The following ATPAF1 variants were observed in gnomAD, a reference collection of about 807,000 sequenced individuals.
ATPAF1 encodes homolog of yeast ATP11.
Under a neutral mutation model 43.9 loss-of-function variants are expected in ATPAF1, and 26 were observed. The observed-to-expected ratio is 0.59, with a 90% CI of 0.43 to 0.82. ATPAF1 has a LOEUF of 0.82. Ranked by LOEUF, ATPAF1 falls within the 40% of genes least tolerant of loss-of-function variation. ATPAF1 has a pLI of 0.00. For missense variants in ATPAF1, 366 were observed against 435.0 expected, an observed-to-expected ratio of 0.84 and a Z score of 1.41; for synonymous variants, 157 against 168.0, an observed-to-expected ratio of 0.93 and a Z score of 0.50.
At chr1:46,658,235 A>AC in intron 3 of ATPAF1, 46 bp from the exon 4 acceptor site, 2 of 1,431,776 alleles carry the variant, frequency 1.4e-6, no homozygotes, top group Non-Finnish European at 1.9e-6. Flanking sequence ...TTAAAAAAAA[A>AC]AAAAAACAGC....
In ATPAF1 at chr1:46,668,235, G is replaced by T; in HGVS notation, c.88C>A (p.Arg30Ser). ...AGCCCCAGGCCCAGGGCGCGGCTGCGCACCGCGCACAGGCCCCGGTAGAGA... is the reference window on the plus strand; with the variant it reads ...AGCCCCAGGCCCAGGGCGCGGCTGCTCACCGCGCACAGGCCCCGGTAGAGA... The change falls in exon 1 of 9, where the codon CGC becomes AGC. Residue 30 changes from arginine (R) to serine (S), a missense_variant. Around this residue, in one of 2 missense-constraint regions of ATPAF1, gnomAD observed 186 missense variants for 168.5 expected, o/e 1.10. Transcript: ENST00000574428. This position sits in a 1 kb window ranked among gnomAD's most constrained non-coding sequence, Gnocchi z 4.4. The T allele has an allele frequency of 1.5e-6, 2 of 1,370,152 alleles. No individual in the cohort carries two copies. Among genetic ancestry groups the T allele is most frequent in the Non-Finnish European group, 1.9e-6 (2 of 1,060,306 alleles). The allele number at this position is 1,370,152 out of a possible 1,614,324, so 84.9% of individuals were successfully genotyped here. A position where few individuals can be genotyped will look rare whatever the true frequency, so the allele number is the denominator to read the frequency against.
chr1:46,647,218 T>C lies in ATPAF1; in HGVS notation c.589-1962A>G, dbSNP rs185529962. On this transcript the variant is annotated intron_variant, in intron 6 of 8. Transcript: ENST00000574428. ...CACATTCCTTCCAGAGCATGTATAC[T>C]TTCCCCAAGATATAAGACATATTGG... Among the ~76,000 whole-genome samples the C allele has an allele frequency of 4.6e-5, 7 of 152,310 alleles. No homozygotes were observed. The South Asian group carries it at 1.0e-3, about 23-fold the overall frequency.
chr1:46,639,396 C>G (rs1005446683), intron 8 of ATPAF1, among the ~76,000 whole-genome samples: 9 of 152,194 alleles, frequency 5.9e-5, no homozygotes, highest in Non-Finnish European at 1.0e-4. Context: ...GGTGTCATCT[C>G]CAGGAAATAT....
intron 6 of ATPAF1, among the ~76,000 whole-genome samples, chr1:46,650,892 A>G (rs144977643): frequency 6.6e-6 from 1 of 152,228 alleles, no homozygotes; most frequent in African/African-American, 2.4e-5. Flanking sequence ...AAGTTTGGTT[A>G]AGGGATACAA....
intron 7 of ATPAF1, among the ~76,000 whole-genome samples, chr1:46,644,038 A>G (rs1387961763): frequency 6.6e-6 from 1 of 152,240 alleles, no homozygotes; most frequent in Admixed American, 6.5e-5. Context: ...TACTTGTAAT[A>G]GTTCAGCATC....
intron 8 of ATPAF1, 67 bp from the exon 9 acceptor site, chr1:46,636,037 G>A (rs1387051587): frequency 1.9e-6 from 3 of 1,568,218 alleles, no homozygotes; most frequent in Non-Finnish European, 2.6e-6. Flanking sequence ...TCTGAATTGT[G>A]TGGTGGGTGG....
At chr1:46,665,119 T>C in intron 2 of ATPAF1, 137 bp downstream of exon 2, 2 of 757,428 alleles carry the variant, frequency 2.6e-6, no homozygotes, top group Admixed American at 2.4e-5. Flanking sequence ...CATTTATGGA[T>C]GGAAATGGAG....
intron 7 of ATPAF1, 60 bp from the exon 8 acceptor site, chr1:46,643,361 C>A: frequency 7.4e-7 from 1 of 1,342,596 alleles, no homozygotes; most frequent in Non-Finnish European, 1.1e-6. Context: ...ACTGCAATTT[C>A]AAAGCAATAG....
intron 4 of ATPAF1, among the ~76,000 whole-genome samples, chr1:46,655,077 AG>A (rs1488710275): frequency 1.3e-5 from 2 of 152,114 alleles, no homozygotes; most frequent in African/African-American, 4.8e-5. Context: ...AATGAGCAAA[AG>A]GGGGAAAAGC....
At chr1:46,654,504 G>A (rs894349187) in intron 4 of ATPAF1, among the ~76,000 whole-genome samples, 1 of 145,652 alleles carries the variant, frequency 6.9e-6, no homozygotes, top group African/African-American at 2.7e-5. Flanking sequence ...AGATATACCT[G>A]AGACTGGGCA....
intron 6 of ATPAF1, among the ~76,000 whole-genome samples, chr1:46,650,120 C>A (rs771575345): frequency 6.6e-6 from 1 of 152,112 alleles, no homozygotes; most frequent in Non-Finnish European, 1.5e-5. Context: ...GGCCTTCTGG[C>A]AGCTCAGTAT....
chr1:46,633,876 T>A (rs1037897639), downstream of ATPAF1: 3 of 454,088 alleles, frequency 6.6e-6, no homozygotes, highest in Non-Finnish European at 8.8e-6. Context: ...AACAACCCCA[T>A]CTGATGTCAA....
chr1:46,665,853 T>A, intron 1 of ATPAF1: 1 of 1,423,966 alleles, frequency 7.0e-7, no homozygotes, highest in Non-Finnish European at 9.1e-7. Context: ...AGATTTAGCA[T>A]CTGAGTATCT....
chr1:46,658,576 C>T (rs569300810), intron 3 of ATPAF1, 111 bp downstream of exon 3: 2 of 768,006 alleles, frequency 2.6e-6, no homozygotes. Flanking sequence ...TGGAAAATCA[C>T]CTTACACAAA....
chr1:46,636,176 C>A (rs1169171167), intron 8 of ATPAF1: 2 of 652,436 alleles, frequency 3.1e-6, no homozygotes, highest in South Asian at 1.7e-5. Context: ...GTATTTATCA[C>A]ACTGTATTGT....
chr1:46,654,040 C>G (rs930139531), intron 4 of ATPAF1, among the ~76,000 whole-genome samples, 173 bp from the exon 5 acceptor site: 9 of 152,186 alleles, frequency 5.9e-5, no homozygotes, highest in Non-Finnish European at 1.0e-4. Flanking sequence ...TAATACAATC[C>G]ACTCTTCTAG....
At chr1:46,662,497 G>A (rs987049829) in intron 2 of ATPAF1, among the ~76,000 whole-genome samples, 19 of 149,672 alleles carry the variant, frequency 1.3e-4, no homozygotes, top group Admixed American at 9.3e-4. Flanking sequence ...CATGACCTCA[G>A]CTCACTGTAA....
intron 8 of ATPAF1, among the ~76,000 whole-genome samples, chr1:46,640,386 G>A (rs146080739): frequency 1.5e-3 from 228 of 152,272 alleles, no homozygotes; most frequent in African/African-American, 5.3e-3. Flanking sequence ...GAGGTGGGTC[G>A]ATTACCTGAG....
intron 1 of ATPAF1, chr1:46,666,167 C>T: frequency 1.0e-5 from 2 of 190,486 alleles, no homozygotes; most frequent in Middle Eastern, 1.8e-3. Flanking sequence ...TTATAGGGGG[C>T]CCCTTCTTCC....
Sources: gnomAD v4.1 joint callset for allele counts (sites outside exome capture counted in the v4.1 genomes callset) on GRCh38, gnomAD v4.1.1 for gene constraint, gnomAD v4.1.1 regional missense constraint, Gnocchi (gnomAD v3.1) non-coding constraint, MANE v1.5 for transcripts, NCBI Gene and HGNC (gene_info 2026-07-23, HGNC 2026-07-21) for gene names.